The following PPP2R2D variants were observed in gnomAD, a reference collection of about 807,000 sequenced individuals.
PPP2R2D encodes the protein protein phosphatase 2 regulatory subunit Bdelta, also known as serine/threonine-protein phosphatase 2A 55 kDa regulatory subunit B delta isoform.
In PPP2R2D, 9 loss-of-function variants were observed where a neutral mutation model predicts 31.1. The observed-to-expected ratio is 0.29, with a 90% confidence interval of 0.17 to 0.51. The LOEUF (loss-of-function observed/expected upper bound fraction) is 0.51, where lower values mean the gene tolerates loss of function less well. Ranked by LOEUF, PPP2R2D falls within the 20% of genes least tolerant of loss-of-function variation. The probability of loss-of-function intolerance (pLI) is 0.98; values close to 1 mark genes in which losing one functional copy is unlikely to be tolerated. For missense variants in PPP2R2D, 391 were observed against 465.6 expected (o/e 0.84, Z 1.48); for synonymous variants, 179 against 172.6 (o/e 1.04, Z -0.29).
chr10:131,907,463 G>A (rs994107107), intron 2 of PPP2R2D, among the ~76,000 whole-genome samples: 10 of 152,030 alleles, frequency 6.6e-5, no homozygotes, highest in Admixed American at 2.0e-4. Flanking sequence ...CAGACTCGCC[G>A]GGCGCAGTGG....
In PPP2R2D at chr10:131,947,563, CCTT is replaced by C. The variant is rs782118291; in HGVS notation, c.860_862del (p.Phe287del). ...GAGCCTGAAGATCCCAGCAGTAGGT[CCTT>C]CTTCTCAGAAATAATTTCATCCATA... On this transcript the variant is annotated inframe_deletion, in exon 8 of 9. Transcript: ENST00000455566. This position sits in a 1 kb window ranked among gnomAD's most constrained non-coding sequence, Gnocchi z 4.3. 1.9e-6 allele frequency: 3 copies of C among 1,614,144 alleles called. No homozygotes were observed. Among genetic ancestry groups the C allele is most frequent in the Admixed American group, 1.7e-5 (1 of 60,028 alleles).
At chr10:131,910,890 G>C (rs952176473) in intron 2 of PPP2R2D, among the ~76,000 whole-genome samples, 2,561 of 152,314 alleles carry the variant, frequency 0.017, 35 homozygotes, top group Non-Finnish European at 0.029. Flanking sequence ...TCTTGCCTAT[G>C]TATGGACTGG....
At chr10:131,901,683 C>T (rs913645871) in intron 2 of PPP2R2D, among the ~76,000 whole-genome samples, 23 of 152,174 alleles carry the variant, frequency 1.5e-4, no homozygotes, top group Non-Finnish European at 8.8e-5. Flanking sequence ...GAGGAGACCG[C>T]GGCGGAGCCG....
intron 2 of PPP2R2D, among the ~76,000 whole-genome samples, chr10:131,926,033 C>T (rs111443090): frequency 1.3e-3 from 198 of 152,302 alleles, no homozygotes; most frequent in Middle Eastern, 3.4e-3. Flanking sequence ...CATGTTTAGG[C>T]GACTTCCCCC....
chr10:131,902,830 G>A (rs1442207567), intron 2 of PPP2R2D, among the ~76,000 whole-genome samples: 1 of 152,124 alleles, frequency 6.6e-6, no homozygotes, highest in Non-Finnish European at 1.5e-5. Flanking sequence ...TGGGCTCACT[G>A]CAACCTCTGC....
chr10:131,919,624 G>C (rs1452129421), intron 2 of PPP2R2D, among the ~76,000 whole-genome samples: 1 of 123,504 alleles, frequency 8.1e-6, no homozygotes, highest in Non-Finnish European at 1.8e-5. Flanking sequence ...GAATGACACA[G>C]TGTTTGTAGG....
At chr10:131,933,578 G>A (rs1314077046) in intron 2 of PPP2R2D, among the ~76,000 whole-genome samples, 1 of 152,180 alleles carries the variant, frequency 6.6e-6, no homozygotes, top group East Asian at 1.9e-4. Context: ...GGCCACGCCA[G>A]GCCTTATCCT....
chr10:131,931,721 C>T (rs1187671673), intron 2 of PPP2R2D, among the ~76,000 whole-genome samples: 7 of 152,172 alleles, frequency 4.6e-5, no homozygotes, highest in African/African-American at 1.7e-4. Context: ...CTGAGTGTAG[C>T]GAGGCTGCTG....
chr10:131,953,255 G>A lies in PPP2R2D; in HGVS notation c.1083-2429G>A, dbSNP rs552883155. On this transcript the variant is annotated intron_variant, in intron 8 of 8. Coordinates refer to ENST00000455566, the MANE Select transcript of PPP2R2D (RefSeq NM_018461.5). ...ACTGTCTTAGCAGTGACTTGCGGGG[G>A]GGTCCCTGTCTTAGCAGTGACTTGC... Among the ~76,000 whole-genome samples the A allele has an allele frequency of 1.9e-3, 203 of 105,584 alleles. 3 individuals are homozygous for A. Among genetic ancestry groups the A allele is most frequent in the African/African-American group, 6.9e-3 (188 of 27,158 alleles). The allele number at this position is 105,584 out of a possible 152,430, so 69.3% of individuals were successfully genotyped here. A position where few individuals can be genotyped will look rare whatever the true frequency, so the allele number is the denominator to read the frequency against.
chr10:131,908,493 A>G (rs2035632854), intron 2 of PPP2R2D, among the ~76,000 whole-genome samples: 1 of 152,094 alleles, frequency 6.6e-6, no homozygotes, highest in Admixed American at 6.5e-5. Flanking sequence ...ATTTTATCAC[A>G]TGTATTATTA....
At chr10:131,904,694 T>C (rs1043103645) in intron 2 of PPP2R2D, among the ~76,000 whole-genome samples, 2 of 152,202 alleles carry the variant, frequency 1.3e-5, no homozygotes, top group East Asian at 3.9e-4. Flanking sequence ...CCCTGCACTC[T>C]GGCCGTCTTT....
intron 5 of PPP2R2D, among the ~76,000 whole-genome samples, chr10:131,941,465 T>C (rs782277012): frequency 6.6e-6 from 1 of 151,836 alleles, no homozygotes. Context: ...GTGTGTCCCC[T>C]GGAAGGAAAC....
chr10:131,938,280 T>C (rs2036380223), intron 3 of PPP2R2D, among the ~76,000 whole-genome samples: 1 of 152,230 alleles, frequency 6.6e-6, no homozygotes, highest in African/African-American at 2.4e-5. Context: ...TCCTTTAGCA[T>C]ATGTACTAAA....
chr10:131,916,935 T>C (rs1254872885), intron 2 of PPP2R2D, among the ~76,000 whole-genome samples: 1 of 147,624 alleles, frequency 6.8e-6, no homozygotes, highest in Non-Finnish European at 1.5e-5. Flanking sequence ...GCGGGTGGAA[T>C]GACACAGCGT....
intron 2 of PPP2R2D, among the ~76,000 whole-genome samples, chr10:131,917,365 GCA>G (rs2035825461): frequency 7.6e-6 from 1 of 132,066 alleles, no homozygotes; most frequent in Non-Finnish European, 1.6e-5. Flanking sequence ...GGGACCTCAC[GCA>G]GGTGGAATGA....
intron 8 of PPP2R2D, among the ~76,000 whole-genome samples, chr10:131,954,850 G>A (rs1554899661): frequency 6.6e-6 from 1 of 152,236 alleles, no homozygotes; most frequent in Non-Finnish European, 1.5e-5. Flanking sequence ...AGGAAGAGGA[G>A]GCGAGCTTCA....
chr10:131,931,304 G>A (rs1250470531), intron 2 of PPP2R2D, among the ~76,000 whole-genome samples: 2 of 152,188 alleles, frequency 1.3e-5, no homozygotes, highest in African/African-American at 4.8e-5. Flanking sequence ...CATGATTCGG[G>A]CTTTCCCGTC....
intron 3 of PPP2R2D, among the ~76,000 whole-genome samples, chr10:131,936,327 T>G (rs1554896475): frequency 6.6e-6 from 1 of 151,840 alleles, no homozygotes; most frequent in Admixed American, 6.6e-5. Context: ...TTTTGTATTT[T>G]AGTAGCGATG....
the PPP2R2D span, chr10:131,970,843 T>C: frequency 8.7e-6 from 14 of 1,614,250 alleles, no homozygotes; most frequent in Non-Finnish European, 1.2e-5. The surrounding 1 kb of genome is among the most constrained non-coding windows in gnomAD (Gnocchi z 4.1). Context: ...GGTGCCCCCG[T>C]GACACTGAGA....
Sources: allele counts gnomAD v4.1 joint callset (sites outside exome capture counted in the v4.1 genomes callset), GRCh38; gene constraint gnomAD v4.1.1; non-coding constraint Gnocchi (gnomAD v3.1); transcripts MANE v1.5; gene names NCBI Gene and HGNC (gene_info 2026-07-23, HGNC 2026-07-21).